Variants in KRT8 observed in about 807,000 individuals in gnomAD.
KRT8 encodes the protein keratin 8, also known as keratin, type II cytoskeletal 8.
A neutral mutation model predicts 43.0 loss-of-function variants in KRT8; 24 were observed. The observed-to-expected ratio is 0.56, with a 90% CI of 0.40 to 0.78. The LOEUF is 0.78. KRT8 is among the 30% of genes least tolerant of loss of function. KRT8 has a pLI of 0.00. For missense variants in KRT8, 492 were observed against 638.4 expected, an observed-to-expected ratio of 0.77 and a Z score of 2.47; for synonymous variants, 214 against 261.2, an observed-to-expected ratio of 0.82 and a Z score of 1.74.
intron 2 of KRT8, among the ~76,000 whole-genome samples, chr12:52,945,979 C>A (rs370182115): frequency 6.6e-6 from 1 of 152,100 alleles, no homozygotes; most frequent in African/African-American, 2.4e-5. Flanking sequence ...AGCCCTGAGC[C>A]ACAGAGGAAT....
upstream of KRT8, among the ~76,000 whole-genome samples, chr12:52,911,951 T>C (rs144922690): frequency 0.018 from 2,706 of 152,198 alleles, 73 homozygotes; most frequent in African/African-American, 0.06. Flanking sequence ...ATTGCTTGAC[T>C]CTGGGAGGTG....
exon 7 of KRT8, chr12:52,898,498 G>A (rs1941273399): frequency 6.2e-7 from 1 of 1,614,054 alleles, no homozygotes; most frequent in African/African-American, 1.3e-5. Context: ...GAATACTCAT[G>A]TTCTGCATCC....
intron 1 of KRT8, among the ~76,000 whole-genome samples, chr12:52,903,920 G>A (rs1941443889): frequency 6.9e-6 from 1 of 145,878 alleles, no homozygotes; most frequent in African/African-American, 2.5e-5. Context: ...GCCAGGTGGA[G>A]GAGAGCGTCC....
chr12:52,918,246 A>AGAAGAG (rs1941815224), intron 2 of KRT8, among the ~76,000 whole-genome samples: 4 of 151,810 alleles, frequency 2.6e-5, no homozygotes, highest in African/African-American at 9.7e-5. Context: ...AAGAAGAAGA[A>AGAAGAG]GAAGAAGAAG....
At chr12:52,906,388 A>C, upstream of KRT8, 1 of 265,710 alleles carries the variant, frequency 3.8e-6, no homozygotes, top group Non-Finnish European at 7.5e-6. Flanking sequence ...GTGGTGTGGC[A>C]CTCGTGGTGC....
At chr12:52,932,975 G>A (rs1449799053) in intron 2 of KRT8, among the ~76,000 whole-genome samples, 1 of 152,194 alleles carries the variant, frequency 6.6e-6, no homozygotes, top group East Asian at 1.9e-4. Flanking sequence ...ATGAAGTCTT[G>A]CCCTGTCACC....
At position 52,900,189 on chromosome 12, in the gene KRT8, G is replaced by A. The variant is rs564556291; in HGVS notation, c.691-124C>T. ...GAGGAGAGGAGCAGGTGGGAGTCAGGGTCAGGGAGAGGGCAAAGTTCCTGA... is the reference window on the plus strand; with the variant it reads ...GAGGAGAGGAGCAGGTGGGAGTCAGAGTCAGGGAGAGGGCAAAGTTCCTGA... On this transcript the variant is annotated intron_variant, in intron 4 of 7. Transcript: ENST00000692008. The A allele has an allele frequency of 8.3e-5, 82 of 988,738 alleles. 1 individual carries two copies. The South Asian group carries it at 1.2e-3, about 15-fold the overall frequency. The allele number at this position is 988,738 out of a possible 1,614,324, so 61.2% of individuals were successfully genotyped here. A position where few individuals can be genotyped will look rare whatever the true frequency, so the allele number is the denominator to read the frequency against.
At chr12:52,926,700 T>A (rs1331731628) in intron 2 of KRT8, among the ~76,000 whole-genome samples, 2 of 152,168 alleles carry the variant, frequency 1.3e-5, no homozygotes, top group African/African-American at 2.4e-5. Context: ...TTGTCTCATT[T>A]GACCCTCACA....
chr12:52,901,636 T>C (rs1025810254), intron 2 of KRT8: 1 of 598,908 alleles, frequency 1.7e-6, no homozygotes. Flanking sequence ...TAATTTGTTC[T>C]TCAAATCCAG....
chr12:52,938,136 C>CTATA lies in KRT8; in HGVS notation c.-47+11316_-47+11319dup, dbSNP rs1161700326. Among the ~76,000 whole-genome samples, 381 of 43,920 alleles carry CTATA rather than the reference C, an allele frequency of 8.7e-3. 17 individuals carry two copies. Among genetic ancestry groups the CTATA allele is most frequent in the East Asian group, 0.035 (62 of 1,792 alleles). 28.8% of individuals were successfully genotyped at this position (43,920 alleles called of 152,430 possible). ...ATACCATTACACACCCACTAGAAAG[C>CTATA]TATATATATATATATATATATATAT... is the stretch of plus-strand genomic sequence containing the variant. On this transcript the variant is annotated intron_variant, in intron 2 of 6. Coordinates refer to the KRT8 transcript ENST00000546826.
At chr12:52,925,180 T>C (rs1320350290) in intron 2 of KRT8, among the ~76,000 whole-genome samples, 1 of 152,160 alleles carries the variant, frequency 6.6e-6, no homozygotes, top group Non-Finnish European at 1.5e-5. Flanking sequence ...TTTCCTGTAG[T>C]AATTCCAGGA....
intron 2 of KRT8, 41 bp from the exon 3 acceptor site, chr12:52,901,260 G>C (rs747191343): frequency 6.7e-7 from 1 of 1,485,548 alleles, no homozygotes; most frequent in Non-Finnish European, 9.4e-7. Context: ...GAAGGCAAAA[G>C]GGAGGTTGCC....
intron 5 of KRT8, 101 bp from the exon 6 acceptor site, chr12:52,899,000 G>A: frequency 2.0e-6 from 2 of 993,712 alleles, no homozygotes; most frequent in Non-Finnish European, 1.5e-6. Context: ...CACCTAGGCT[G>A]ACTCCCCCCA....
At chr12:52,904,057 A>G (rs745644286) in intron 1 of KRT8, among the ~76,000 whole-genome samples, 3 of 151,696 alleles carry the variant, frequency 2.0e-5, no homozygotes, top group Non-Finnish European at 4.4e-5. Flanking sequence ...GCCTCAATCA[A>G]TATTTGCCCG....
exon 2 of KRT8, chr12:52,901,983 G>A (rs765627448): frequency 6.2e-7 from 1 of 1,605,524 alleles, no homozygotes; most frequent in Non-Finnish European, 8.5e-7. Flanking sequence ...TCTCGAACAT[G>A]TTGTCCATGT....
chr12:52,926,609 C>T, intron 2 of KRT8: 1 of 645,290 alleles, frequency 1.5e-6, no homozygotes, highest in South Asian at 1.9e-5. Context: ...CATGTCTGAG[C>T]TCCCCTCCCT....
chr12:52,941,731 G>A (rs935353707), intron 2 of KRT8, among the ~76,000 whole-genome samples: 7 of 151,694 alleles, frequency 4.6e-5, no homozygotes, highest in African/African-American at 1.2e-4. Context: ...CAGGTGATCC[G>A]CCCGCCTCAG....
chr12:52,918,180 G>GAAGAAGAAGAAGAAGAAGAAGAAGAAGGA lies in KRT8; in HGVS notation c.-46-13154_-46-13153insTCCTTCTTCTTCTTCTTCTTCTTCTTCTT. ...GGGAAGAAGAAGAAGAAGAGGAAGA[G>GAAGAAGAAGAAGAAGAAGAAGAAGAAGGA]GAAGAAGAAGAAGAAGAAGAAGAAC... On this transcript the variant is annotated intron_variant, in intron 2 of 6. Transcript: ENST00000546826. Among the ~76,000 whole-genome samples the GAAGAAGAAGAAGAAGAAGAAGAAGAAGGA allele has an allele frequency of 1.1e-3, 80 of 73,814 alleles. 3 individuals are homozygous for GAAGAAGAAGAAGAAGAAGAAGAAGAAGGA. Among genetic ancestry groups the GAAGAAGAAGAAGAAGAAGAAGAAGAAGGA allele is most frequent in the Middle Eastern group, 9.6e-3 (1 of 104 alleles). 48.4% of individuals were successfully genotyped at this position (73,814 alleles called of 152,430 possible).
intron 2 of KRT8, among the ~76,000 whole-genome samples, chr12:52,920,025 C>T (rs1240073650): frequency 3.9e-5 from 6 of 152,120 alleles, no homozygotes; most frequent in Admixed American, 3.9e-4. Flanking sequence ...GCCCAAGGTC[C>T]TTTGGTTAGT....
Sources: allele counts gnomAD v4.1 joint callset (sites outside exome capture counted in the v4.1 genomes callset), GRCh38; gene constraint gnomAD v4.1.1; transcripts MANE v1.5; gene names NCBI Gene and HGNC (gene_info 2026-07-23, HGNC 2026-07-21).